NFATC1: variants seen among roughly 807,000 people sequenced by gnomAD.
The protein encoded by NFATC1 is nuclear factor of activated T cells 1.
NFATC1 carries 22 observed loss-of-function variants against 76.0 expected under a neutral mutation model. The ratio of observed to expected loss-of-function variants is 0.29; its 90% CI spans 0.21 to 0.41. The LOEUF is 0.41. NFATC1 is among the 10% of genes least tolerant of loss of function. The pLI is 1.00. For synonymous variants in NFATC1, 704 were observed against 613.1 expected, an observed-to-expected ratio of 1.15 and a Z score of -2.19; for missense variants, 1,357 against 1,337.7, an observed-to-expected ratio of 1.01 and a Z score of -0.23.
At chr18:79,499,876 A>G (rs2089979076) in intron 9 of NFATC1, among the ~76,000 whole-genome samples, 1 of 152,162 alleles carries the variant, frequency 6.6e-6, no homozygotes, top group Non-Finnish European at 1.5e-5. Context: ...TACTAGAAAC[A>G]ATGAACTGTC....
intron 6 of NFATC1, among the ~76,000 whole-genome samples, chr18:79,459,723 C>T (rs938323667): frequency 2.0e-5 from 3 of 152,134 alleles, no homozygotes; most frequent in Admixed American, 1.3e-4. Flanking sequence ...GGGGCCTCAC[C>T]CCAAAGATGG....
At chr18:79,420,284 G>A (rs575116497) in intron 2 of NFATC1, among the ~76,000 whole-genome samples, 56 of 148,288 alleles carry the variant, frequency 3.8e-4, no homozygotes, top group Middle Eastern at 3.6e-3. Flanking sequence ...AGGCGACGTC[G>A]CTGCAGAGAG....
At chr18:79,469,888 C>T in intron 8 of NFATC1, 1 of 985,474 alleles carries the variant, frequency 1.0e-6, no homozygotes, top group South Asian at 4.7e-5. Flanking sequence ...GCAACCTGCA[C>T]CAGACTGTGA....
intron 8 of NFATC1, among the ~76,000 whole-genome samples, chr18:79,480,641 G>A (rs185678840): frequency 1.3e-5 from 2 of 152,172 alleles, no homozygotes; most frequent in Admixed American, 6.5e-5. Context: ...TGTCTGAGCC[G>A]TGTTCTTGAC....
chr18:79,423,201 G>C (rs1383884047), intron 2 of NFATC1, among the ~76,000 whole-genome samples: 1 of 152,142 alleles, frequency 6.6e-6, no homozygotes, highest in African/African-American at 2.4e-5. Flanking sequence ...GCCACGGGAC[G>C]CCATCAGTTT....
At chr18:79,493,664 C>G (rs1012141030) in intron 9 of NFATC1, 2 of 152,200 alleles carry the variant, frequency 1.3e-5, no homozygotes, top group Admixed American at 6.5e-5. Flanking sequence ...CGTGGAAAGT[C>G]TTACTAACCT....
intron 9 of NFATC1, among the ~76,000 whole-genome samples, chr18:79,509,515 C>T (rs564024657): frequency 8.5e-5 from 13 of 152,374 alleles, no homozygotes; most frequent in African/African-American, 2.9e-4. Context: ...GACGCCCGCG[C>T]AGTGCCATGC....
At chr18:79,468,850 C>T (rs915558056) in intron 8 of NFATC1, 4 of 151,512 alleles carry the variant, frequency 2.6e-5, no homozygotes, top group African/African-American at 5.0e-5. Flanking sequence ...AAGAGCCTCA[C>T]GCTCTGTGAC....
In NFATC1 at chr18:79,408,954, C is replaced by G. The variant is rs183661994; in HGVS notation, c.128-1449C>G. Among the ~76,000 whole-genome samples the G allele has an allele frequency of 1.1e-4, 15 of 136,222 alleles. No individual in the cohort carries two copies. The East Asian group carries it at 3.4e-3, about 31-fold the overall frequency. The allele number at this position is 136,222 out of a possible 152,430, so 89.4% of individuals were successfully genotyped here. ...CATTCCCTATCCATTCATTCATCAT[C>G]CATCCATCCATCATCATCCATCCAT... On this transcript the variant is annotated intron_variant, in intron 1 of 9. Transcript: ENST00000427363.
intron 2 of NFATC1, 51 bp downstream of exon 2, chr18:79,411,552 G>C: frequency 7.7e-7 from 1 of 1,294,532 alleles, no homozygotes; most frequent in Non-Finnish European, 9.8e-7. Context: ...GGCGCGGGGC[G>C]GGGCGGAACG....
At chr18:79,444,167 A>G (rs1424502128) in intron 3 of NFATC1, among the ~76,000 whole-genome samples, 1 of 152,136 alleles carries the variant, frequency 6.6e-6, no homozygotes, top group Admixed American at 6.5e-5. Context: ...AGCTGGTGCC[A>G]GTGGGTCAGA....
chr18:79,456,865 A>T (rs998336625), intron 6 of NFATC1, among the ~76,000 whole-genome samples: 2 of 152,156 alleles, frequency 1.3e-5, no homozygotes, highest in African/African-American at 4.8e-5. Flanking sequence ...ACAGCTGGGA[A>T]TTCCCAGCTC....
intron 9 of NFATC1, among the ~76,000 whole-genome samples, chr18:79,514,564 CAAAAAAAA>C (rs61341859): frequency 2.1e-5 from 1 of 47,238 alleles, no homozygotes; most frequent in African/African-American, 1.0e-4. Context: ...GACCCTGCCT[CAAAAAAAA>C]AAAAAAAAAA....
chr18:79,504,051 T>C (rs958552689), intron 9 of NFATC1, among the ~76,000 whole-genome samples: 8 of 151,684 alleles, frequency 5.3e-5, no homozygotes, highest in African/African-American at 1.9e-4. Context: ...TTGTGGCTGG[T>C]TCAATCTTCT....
chr18:79,415,311 C>T (rs1342395017), intron 2 of NFATC1, among the ~76,000 whole-genome samples: 1 of 152,266 alleles, frequency 6.6e-6, no homozygotes, highest in African/African-American at 2.4e-5. Flanking sequence ...GAGATGGAGT[C>T]TCGCTCTGTC....
At chr18:79,478,377 T>C (rs886499732) in intron 8 of NFATC1, among the ~76,000 whole-genome samples, 2 of 151,722 alleles carry the variant, frequency 1.3e-5, no homozygotes, top group Admixed American at 6.6e-5. Flanking sequence ...GGGGACTACG[T>C]TGGGAGGAGG....
At chr18:79,484,874 G>GA (rs1468768755) in intron 8 of NFATC1, among the ~76,000 whole-genome samples, 1 of 152,218 alleles carries the variant, frequency 6.6e-6, no homozygotes, top group Admixed American at 6.5e-5. Flanking sequence ...GGCTGCAGGG[G>GA]AGGCCGCACG....
chr18:79,523,500 G>A lies in NFATC1; in HGVS notation c.2783-4028G>A, dbSNP rs552523815. On this transcript the variant is annotated intron_variant, in intron 9 of 9. Coordinates refer to ENST00000427363, the MANE Select transcript of NFATC1 (RefSeq NM_001278669.2). Reference sequence around the variant, plus strand: ...TGACTGAGAAAGGCGTCTCGCCTACGGCTTGTTTACGCACAGCTAGTGAGA... The same window carrying A: ...TGACTGAGAAAGGCGTCTCGCCTACAGCTTGTTTACGCACAGCTAGTGAGA... Among the ~76,000 whole-genome samples, 12 of 152,378 alleles carry A rather than the reference G, an allele frequency of 7.9e-5. No homozygotes were observed. In the South Asian group the frequency reaches 1.9e-3, roughly 24 times the overall value.
rs564126955 is a variant in NFATC1, at chr18:79,439,615, T to G, written c.1386+5877T>G. Among the ~76,000 whole-genome samples, 4 of 152,356 alleles carry G rather than the reference T, an allele frequency of 2.6e-5. No individual in the cohort carries two copies. The East Asian group carries it at 7.7e-4, about 29-fold the overall frequency. On this transcript the variant is annotated intron_variant, in intron 3 of 9. Transcript: ENST00000427363. ...GCACAGGGAATTTCCTAGTTCCACA[T>G]ACGCCGTTGTTCCCGCAGCCCATGC...
Sources: gnomAD v4.1 joint callset for allele counts (sites outside exome capture counted in the v4.1 genomes callset) on GRCh38, gnomAD v4.1.1 for gene constraint, MANE v1.5 for transcripts, NCBI Gene and HGNC (gene_info 2026-07-23, HGNC 2026-07-21) for gene names.